Variants in CABP5 observed in about 807,000 individuals in gnomAD.
CABP5 encodes calcium binding protein 5.
Under a neutral mutation model 21.9 loss-of-function variants are expected in CABP5, and 17 were observed. That is an observed-to-expected ratio of 0.78 (90% CI 0.53 to 1.17). The LOEUF is 1.17. Among genes scored for constraint, CABP5 ranks in the 50% most tolerant of loss-of-function variants. The pLI, the probability that CABP5 is intolerant of heterozygous loss-of-function variation, is 0.00. For missense variants in CABP5, 229 were observed against 228.9 expected (o/e 1.00, Z 0.00); for synonymous variants, 85 against 79.4 (o/e 1.07, Z -0.37).
Position 48,041,307 on chromosome 19 carries a change from G to A in CABP5, c.94+266C>T, listed in dbSNP as rs145738975. On this transcript the variant is annotated intron_variant, in intron 2 of 5. Transcript: ENST00000293255. The stretch of plus-strand genomic sequence containing the variant: ...TTCAGATTCCTGGATGAAGTTATGG[G>A]GAACCTCAAAGTCACCAAGAGAGAA... 386 of 493,614 alleles carry A rather than the reference G, an allele frequency of 7.8e-4. 1 individual carries two copies. The highest frequency in any genetic ancestry group is 7.0e-3 in the African/African-American group (342 of 49,182). The allele number at this position is 493,614 out of a possible 1,614,324, so 30.6% of individuals were successfully genotyped here.
chr19:48,030,847 G>T (rs527714345), intron 5 of CABP5, among the ~76,000 whole-genome samples: 1 of 152,122 alleles, frequency 6.6e-6, no homozygotes, highest in Non-Finnish European at 1.5e-5. Context: ...TGGCTTACAG[G>T]CTGGGCTCGG....
chr19:48,036,233 T>G (rs1056214120), intron 4 of CABP5, among the ~76,000 whole-genome samples: 2 of 152,110 alleles, frequency 1.3e-5, no homozygotes, highest in Non-Finnish European at 2.9e-5. Context: ...GTAGTGCCCA[T>G]GTGGAAGGCA....
intron 5 of CABP5, among the ~76,000 whole-genome samples, chr19:48,031,708 G>T (rs1967342201): frequency 1.3e-5 from 2 of 152,100 alleles, no homozygotes; most frequent in African/African-American, 4.8e-5. Context: ...AGGAATGCAG[G>T]TTGCACCTGA....
rs1208440960 is a variant in CABP5, at chr19:48,030,550, G to GA, written c.*6dup. The GA allele has an allele frequency of 1.2e-6, 2 of 1,612,338 alleles. No individual in the cohort carries two copies. The highest frequency in any genetic ancestry group is 3.3e-5 in the Admixed American group (2 of 59,714). On this transcript the variant is annotated 3_prime_UTR_variant, in exon 6 of 6. Coordinates refer to ENST00000293255, the MANE Select transcript of CABP5 (RefSeq NM_019855.5). ...GGTGGAGAGGGTCTGGAGCTTCCAGGACCTCCTCAGCGAGACATCATCTTC... is the reference window on the plus strand; with the variant it reads ...GGTGGAGAGGGTCTGGAGCTTCCAGGAACCTCCTCAGCGAGACATCATCTTC...
intron 3 of CABP5, among the ~76,000 whole-genome samples, chr19:48,039,773 G>A (rs1234298832): frequency 8.1e-6 from 1 of 123,706 alleles, no homozygotes; most frequent in Non-Finnish European, 1.6e-5. Flanking sequence ...GAGTGCAATG[G>A]TGCGATCTCG....
chr19:48,040,802 T>C (rs1967471422), intron 2 of CABP5, 54 bp from the exon 3 acceptor site: 7 of 1,576,832 alleles, frequency 4.4e-6, no homozygotes, highest in Non-Finnish European at 6.1e-6. Context: ...TGGGGAAGAG[T>C]GGCATCTCTT....
intron 2 of CABP5, 73 bp from the exon 3 acceptor site, chr19:48,040,821 C>CAATG: frequency 6.8e-7 from 1 of 1,470,410 alleles, no homozygotes; most frequent in South Asian, 1.2e-5. Context: ...TTGAAGCTAT[C>CAATG]AATGAGGCTC....
At chr19:48,032,290 G>C (rs1312485363) in intron 5 of CABP5, among the ~76,000 whole-genome samples, 2 of 151,860 alleles carry the variant, frequency 1.3e-5, no homozygotes, top group Non-Finnish European at 2.9e-5. Flanking sequence ...GGTGGGCGAG[G>C]CCAGATGATG....
At position 48,040,614 on chromosome 19, in the gene CABP5, G is replaced by A. The variant is rs143307814; in HGVS notation, c.229C>T (p.Arg77Cys). The change falls in exon 3 of 6, where the codon CGC becomes TGC. Residue 77 changes from arginine (R) to cysteine (C), a missense_variant. Transcript: ENST00000293255. ...CATTCCCTGGACTCACGGTTCATGC[G>A]GATTTGCTGGCCGAGCTCAATCAGT... ...MELIELGQQI[R>C]MNLGGRVDFD... 7.5e-5 allele frequency: 121 copies of A among 1,613,692 alleles called. No individual in the cohort carries two copies. The highest frequency in any genetic ancestry group is 1.7e-4 in the Middle Eastern group (1 of 6,058).
intron 1 of CABP5, among the ~76,000 whole-genome samples, chr19:48,042,580 C>CTTT (rs71181635): frequency 7.8e-6 from 1 of 128,422 alleles, no homozygotes; most frequent in African/African-American, 2.6e-5. Context: ...TTCTCTCTCT[C>CTTT]TTTTTTTTTT....
At chr19:48,036,116 G>C (rs1266338509) in intron 4 of CABP5, among the ~76,000 whole-genome samples, 1 of 152,132 alleles carries the variant, frequency 6.6e-6, no homozygotes, top group Non-Finnish European at 1.5e-5. Flanking sequence ...GAAATTGAAC[G>C]TACTAGACTT....
chr19:48,040,122 C>G (rs12975161), intron 3 of CABP5, among the ~76,000 whole-genome samples: 4,627 of 152,254 alleles, frequency 0.03, 120 homozygotes, highest in Non-Finnish European at 0.042. Flanking sequence ...AACATTAGCT[C>G]CAGCTCCAAG....
At chr19:48,032,754 C>G in intron 5 of CABP5, among the ~76,000 whole-genome samples, 1 of 151,998 alleles carries the variant, frequency 6.6e-6, no homozygotes, top group Non-Finnish European at 1.5e-5. Flanking sequence ...CCTCAGCCCC[C>G]GTATAGCCTG....
chr19:48,034,692 C>T (rs185520697), intron 4 of CABP5, among the ~76,000 whole-genome samples: 1,559 of 151,832 alleles, frequency 0.01, 17 homozygotes, highest in South Asian at 0.034. Flanking sequence ...ATTACAGGCG[C>T]GCACCACCAA....
At chr19:48,042,507 C>A (rs1967493636) in intron 1 of CABP5, among the ~76,000 whole-genome samples, 1 of 151,968 alleles carries the variant, frequency 6.6e-6, no homozygotes, top group Admixed American at 6.6e-5. Flanking sequence ...TCCCTGGAGC[C>A]TTTCCCTCAG....
intron 4 of CABP5, among the ~76,000 whole-genome samples, chr19:48,037,825 G>T (rs1967430473): frequency 6.6e-6 from 1 of 152,142 alleles, no homozygotes. Flanking sequence ...GTTTACTTAA[G>T]TATACAAGTA....
At chr19:48,040,878 C>G (rs1441364348) in intron 2 of CABP5, 130 bp from the exon 3 acceptor site, 1 of 880,726 alleles carries the variant, frequency 1.1e-6, no homozygotes, top group Non-Finnish European at 1.7e-6. Flanking sequence ...CAAAACAAAA[C>G]AAAACAAAAA....
At chr19:48,039,157 C>A (rs891015) in intron 4 of CABP5, 51 bp downstream of exon 4, 109,470 of 1,453,214 alleles carry the variant, frequency 0.075, 4,452 homozygotes, top group African/African-American at 0.11. Context: ...ACAGGCAGAC[C>A]TCAGAGGGTC....
chr19:48,041,523 G>A (rs761999062), intron 2 of CABP5, 50 bp downstream of exon 2: 1 of 1,586,504 alleles, frequency 6.3e-7, no homozygotes, highest in Admixed American at 1.7e-5. Context: ...CTGAGGGCAG[G>A]TCAGGTGGGT....
Sources: allele counts gnomAD v4.1 joint callset (sites outside exome capture counted in the v4.1 genomes callset), GRCh38; gene constraint gnomAD v4.1.1; transcripts MANE v1.5; gene names NCBI Gene and HGNC (gene_info 2026-07-23, HGNC 2026-07-21).